Variants in RIMS2 observed in about 807,000 individuals in gnomAD.
RIMS2 encodes the protein regulating synaptic membrane exocytosis 2.
RIMS2 carries 59 observed loss-of-function variants against 174.4 expected under a neutral mutation model. The observed-to-expected ratio is 0.34, with a 90% CI of 0.27 to 0.42. The LOEUF is 0.42. RIMS2 is among the 10% of genes least tolerant of loss of function. The pLI, the probability that RIMS2 is intolerant of heterozygous loss-of-function variation, is 1.00. For missense variants in RIMS2, 1,620 were observed against 1,666.3 expected, an observed-to-expected ratio of 0.97 and a Z score of 0.48; for synonymous variants, 606 against 572.5, an observed-to-expected ratio of 1.06 and a Z score of -0.84.
intron 19 of RIMS2, among the ~76,000 whole-genome samples, chr8:104,154,305 A>T (rs540674418): frequency 3.3e-4 from 51 of 152,282 alleles, no homozygotes; most frequent in Non-Finnish European, 5.7e-4. Context: ...CTAGAATAGC[A>T]CTGTTAAATA....
Position 103,976,548 on chromosome 8 carries a change from CT to C in RIMS2, c.2927+1060del, listed in dbSNP as rs768820871. The C allele has an allele frequency of 4.3e-3, 538 of 124,556 alleles. 1 individual carries two copies. The highest frequency in any genetic ancestry group is 0.011 in the East Asian group (51 of 4,694). 7.7% of individuals were successfully genotyped at this position (124,556 alleles called of 1,614,324 possible). On this transcript the variant is annotated intron_variant, in intron 16 of 23. Coordinates refer to ENST00000504942, the Ensembl canonical transcript of RIMS2. ...TTTTTTTCTTTTTCTTTTTCTTTTT[CT>C]TTTTTTTTTTTTTTTTTGAGACAGA...
intron 4 of RIMS2, among the ~76,000 whole-genome samples, chr8:103,888,366 AT>A (rs546676432): frequency 9.1e-4 from 137 of 151,112 alleles, no homozygotes; most frequent in African/African-American, 2.5e-3. Flanking sequence ...GATCTTAATT[AT>A]TTTTTTTATG....
At position 104,092,561 on chromosome 8, in the gene RIMS2, C is replaced by T. The variant is rs189480459; in HGVS notation, c.3334+77946C>T. ...CTTACATTATGCCAGATACCACATA[C>T]GTCTTAGTTCTAGGCCTTGCAAAAA... is the stretch of plus-strand genomic sequence containing the variant. On this transcript the variant is annotated intron_variant, in intron 19 of 23. Coordinates refer to ENST00000504942, the Ensembl canonical transcript of RIMS2. 5.9e-5 allele frequency among the ~76,000 whole-genome samples: 9 copies of T among 151,774 alleles called. No homozygotes were observed. The East Asian group carries it at 9.7e-4, about 16-fold the overall frequency.
chr8:103,934,556 CAG>C (rs2080780419), intron 12 of RIMS2, among the ~76,000 whole-genome samples: 1 of 152,132 alleles, frequency 6.6e-6, no homozygotes, highest in Non-Finnish European at 1.5e-5. Context: ...TAAGAAACCT[CAG>C]AGATTGTCTA....
intron 1 of RIMS2, among the ~76,000 whole-genome samples, chr8:103,647,188 A>G (rs184115300): frequency 1.3e-5 from 2 of 152,314 alleles, no homozygotes; most frequent in African/African-American, 4.8e-5. Context: ...AACCTACTTT[A>G]TCATGGTGGA....
At chr8:103,653,324 A>C (rs1446720862) in intron 1 of RIMS2, among the ~76,000 whole-genome samples, 1 of 152,210 alleles carries the variant, frequency 6.6e-6, no homozygotes, top group Non-Finnish European at 1.5e-5. Context: ...ATTAGATTTA[A>C]AAACACTGTT....
At chr8:104,045,579 G>C (rs2096679576) in intron 19 of RIMS2, among the ~76,000 whole-genome samples, 1 of 151,804 alleles carries the variant, frequency 6.6e-6, no homozygotes, top group African/African-American at 2.4e-5. Flanking sequence ...CATCTGACAA[G>C]ATTAGTGCTT....
chr8:103,868,859 A>C (rs1308924708), intron 3 of RIMS2, among the ~76,000 whole-genome samples: 1 of 152,170 alleles, frequency 6.6e-6, no homozygotes, highest in East Asian at 1.9e-4. Context: ...ATAGTGGTAT[A>C]AGACATAGAA....
chr8:103,858,818 T>G (rs192764611), intron 3 of RIMS2, among the ~76,000 whole-genome samples: 2 of 151,564 alleles, frequency 1.3e-5, no homozygotes, highest in African/African-American at 4.8e-5. Context: ...TATACTGGAG[T>G]AGAACTAGAG....
Position 103,753,193 on chromosome 8 carries a change from C to G in RIMS2, c.388-13034C>G, listed in dbSNP as rs140909547. On this transcript the variant is annotated intron_variant, in intron 2 of 23. Coordinates refer to ENST00000504942, the Ensembl canonical transcript of RIMS2. ...CCTTTTCTGCATCTATTGAGATAAT[C>G]ATGTGGTTTTTGTCTTTGGTTCTGT... 9.1e-3 allele frequency among the ~76,000 whole-genome samples: 1,389 copies of G among 152,204 alleles called. 12 individuals carry two copies. Among genetic ancestry groups the G allele is most frequent in the Non-Finnish European group, 0.015 (1,010 of 68,010 alleles).
chr8:103,593,113 A>G lies in RIMS2; in HGVS notation c.176+92051A>G, dbSNP rs150614917. 2.8e-4 allele frequency among the ~76,000 whole-genome samples: 42 copies of G among 151,610 alleles called. 1 individual carries two copies. The highest frequency in any genetic ancestry group is 1.4e-3 in the East Asian group (7 of 5,184). On this transcript the variant is annotated intron_variant, in intron 1 of 23. Transcript: ENST00000504942. Reference sequence around the variant, plus strand: ...CCTGTCACTTAAAGGAAGACAACTGACAGTATTTGTTGCCAATGATAACAT... The same window carrying G: ...CCTGTCACTTAAAGGAAGACAACTGGCAGTATTTGTTGCCAATGATAACAT...
rs1330334382 is a variant in RIMS2, at chr8:103,863,521, A to G, written c.699-21777A>G. ...GGAATATATACAGTGGGATTGGTGT[A>G]AGTTCTTCCTTGTATGTCTGATAGA... On this transcript the variant is annotated intron_variant, in intron 3 of 23. Coordinates refer to ENST00000504942, the Ensembl canonical transcript of RIMS2. Among the ~76,000 whole-genome samples, 7 of 152,170 alleles carry G rather than the reference A, an allele frequency of 4.6e-5. No homozygotes were observed. In the East Asian group the frequency reaches 1.4e-3, roughly 29 times the overall value.
chr8:103,769,322 T>C (rs2098220398), intron 3 of RIMS2, among the ~76,000 whole-genome samples: 1 of 152,002 alleles, frequency 6.6e-6, no homozygotes, highest in Non-Finnish European at 1.5e-5. Flanking sequence ...TTGTTTTTTG[T>C]TTGTTTGTTT....
At chr8:104,174,640 C>T (rs2098862690) in intron 19 of RIMS2, among the ~76,000 whole-genome samples, 3 of 152,086 alleles carry the variant, frequency 2.0e-5, no homozygotes, top group African/African-American at 7.2e-5. Context: ...TTGCTCTTTA[C>T]AGTAGGTATT....
intron 1 of RIMS2, among the ~76,000 whole-genome samples, chr8:103,542,270 A>G (rs1260330865): frequency 6.6e-6 from 1 of 152,176 alleles, no homozygotes; most frequent in Non-Finnish European, 1.5e-5. Context: ...AACACATGTA[A>G]TCTACCAGGA....
At chr8:103,635,616 G>A (rs866632619) in intron 1 of RIMS2, among the ~76,000 whole-genome samples, 1 of 152,238 alleles carries the variant, frequency 6.6e-6, no homozygotes, top group Non-Finnish European at 1.5e-5. Context: ...GGGAGGTACT[G>A]ACCCCTTATT....
chr8:104,098,645 TG>T (rs1024418703), intron 19 of RIMS2, among the ~76,000 whole-genome samples: 1 of 152,090 alleles, frequency 6.6e-6, no homozygotes, highest in Non-Finnish European at 1.5e-5. Flanking sequence ...AGGAAAAATT[TG>T]GGGCATCAGT....
At chr8:103,783,662 T>C (rs1055870583) in intron 3 of RIMS2, among the ~76,000 whole-genome samples, 3 of 152,058 alleles carry the variant, frequency 2.0e-5, no homozygotes, top group African/African-American at 7.3e-5. Context: ...TAATCCAGTC[T>C]ATCATTGTGG....
intron 1 of RIMS2, among the ~76,000 whole-genome samples, chr8:103,560,022 T>C (rs1038593734): frequency 5.9e-5 from 9 of 152,326 alleles, no homozygotes; most frequent in African/African-American, 1.9e-4. Flanking sequence ...TTACTGCCCT[T>C]TGACCTAGAA....
Sources: allele counts gnomAD v4.1 joint callset (sites outside exome capture counted in the v4.1 genomes callset), GRCh38; gene constraint gnomAD v4.1.1; transcripts MANE v1.5; gene names NCBI Gene and HGNC (gene_info 2026-07-23, HGNC 2026-07-21).